The following PRKG2 variants were observed in gnomAD, a reference collection of about 807,000 sequenced individuals.
The protein encoded by PRKG2 is protein kinase cGMP-dependent 2, also known as cGMP-dependent protein kinase 2.
PRKG2 carries 33 observed loss-of-function variants against 97.2 expected under a neutral mutation model. That is an observed-to-expected ratio of 0.34 (90% CI 0.26 to 0.45). The LOEUF is 0.45. PRKG2 is among the 20% of genes least tolerant of loss of function. The pLI is 1.00. For synonymous variants in PRKG2, 330 were observed against 321.8 expected (o/e 1.03, Z -0.27); for missense variants, 638 against 900.0 (o/e 0.71, Z 3.73).
intron 17 of PRKG2, among the ~76,000 whole-genome samples, chr4:81,092,802 G>A (rs1741713840): frequency 6.6e-6 from 1 of 152,094 alleles, no homozygotes; most frequent in Non-Finnish European, 1.5e-5. Context: ...CAAAGCTCTT[G>A]TAGTTGTTCT....
In PRKG2 at chr4:81,142,889, T is replaced by G. The variant is rs778460125; in HGVS notation, c.1312A>C (p.Lys438Gln). The G allele has an allele frequency of 6.2e-7, 1 of 1,613,626 alleles. No homozygotes were observed. The highest frequency in any genetic ancestry group is 1.1e-5 in the South Asian group (1 of 90,998). ...KALSLEMIQL[K>Q]EKVARFSSSS... ...GAGGAAAATCTGGCCACCTTCTCCT[T>G]CAGCTGAATCATTTCCAGAGAGAGT... Residue 438 changes from lysine (K) to glutamine (Q), a missense_variant, in exon 11 of 19, where the codon AAG (lysine) becomes CAG (glutamine). Physicochemically the swap from Lys to Gln is moderately conservative, Grantham distance 53. Around this residue, in one of 3 missense-constraint regions of PRKG2, gnomAD observed 304 missense variants for 460.5 expected, o/e 0.66. Transcript: ENST00000264399.
intron 2 of PRKG2, among the ~76,000 whole-genome samples, chr4:81,191,557 C>T (rs1024161290): frequency 2.0e-5 from 3 of 151,782 alleles, no homozygotes; most frequent in African/African-American, 7.3e-5. Context: ...ACCTTCTGCA[C>T]GTGTATCCCA....
intron 14 of PRKG2, 23 bp downstream of exon 14, chr4:81,135,132 G>A: frequency 1.3e-6 from 2 of 1,592,738 alleles, no homozygotes; most frequent in Non-Finnish European, 1.7e-6. Flanking sequence ...ATATGAGACT[G>A]TAAGTGAGAA....
chr4:81,103,092 G>C (rs1742962842), intron 17 of PRKG2, among the ~76,000 whole-genome samples: 2 of 152,182 alleles, frequency 1.3e-5, no homozygotes, highest in Admixed American at 6.5e-5. Flanking sequence ...TCCAAGCACT[G>C]ATTTAACAAG....
chr4:81,182,534 T>A (rs1242763629), intron 2 of PRKG2, among the ~76,000 whole-genome samples: 1 of 151,482 alleles, frequency 6.6e-6, no homozygotes, highest in Non-Finnish European at 1.5e-5. Flanking sequence ...CTGAGCAAAT[T>A]TAATAAAGGG....
chr4:81,163,248 G>T (rs1173264701), intron 6 of PRKG2, among the ~76,000 whole-genome samples: 1 of 152,162 alleles, frequency 6.6e-6, no homozygotes, highest in Non-Finnish European at 1.5e-5. Flanking sequence ...ATGCTAGACT[G>T]CCCAGTGTTT....
At chr4:81,098,905 C>T (rs1578331462) in intron 17 of PRKG2, among the ~76,000 whole-genome samples, 1 of 152,000 alleles carries the variant, frequency 6.6e-6, no homozygotes, top group South Asian at 2.1e-4. Flanking sequence ...GAAAAATGGC[C>T]CTGATAGACT....
intron 6 of PRKG2, among the ~76,000 whole-genome samples, chr4:81,155,676 A>G (rs1490762326): frequency 6.6e-6 from 1 of 151,896 alleles, no homozygotes; most frequent in Admixed American, 6.6e-5. Context: ...GGGCAGCCAG[A>G]GAGAAAGGTC....
chr4:81,123,056 T>C (rs1406932366), intron 14 of PRKG2, among the ~76,000 whole-genome samples: 1 of 152,250 alleles, frequency 6.6e-6, no homozygotes, highest in Non-Finnish European at 1.5e-5. Context: ...TTGGGAACAA[T>C]ATTCTACAAG....
At position 81,101,420 on chromosome 4, in the gene PRKG2, C is replaced by T. The variant is rs376877273; in HGVS notation, c.2126+2950G>A. Among the ~76,000 whole-genome samples the T allele has an allele frequency of 2.2e-4, 33 of 152,104 alleles. 1 individual carries two copies. In the East Asian group the frequency reaches 4.8e-3, roughly 22 times the overall value. The stretch of plus-strand genomic sequence containing the variant: ...GATGAGTTCATGTCCTTTGTAGGGA[C>T]GTGGATGAAGCTGGAAACCATCATT... On this transcript the variant is annotated intron_variant, in intron 17 of 18. Transcript: ENST00000264399.
intron 1 of PRKG2, among the ~76,000 whole-genome samples, chr4:81,211,329 C>T (rs2110137444): frequency 6.6e-6 from 1 of 152,042 alleles, no homozygotes; most frequent in South Asian, 2.1e-4. Flanking sequence ...TTTCTATAAA[C>T]CTAAAATTTC....
chr4:81,180,041 G>A (rs981487551), intron 2 of PRKG2, among the ~76,000 whole-genome samples: 13 of 152,080 alleles, frequency 8.5e-5, no homozygotes, highest in Non-Finnish European at 1.5e-4. Context: ...GCTGAGGCAG[G>A]AGAATTGCTT....
chr4:81,212,465 G>C (rs551166226), intron 1 of PRKG2, among the ~76,000 whole-genome samples: 177 of 152,260 alleles, frequency 1.2e-3, no homozygotes, highest in Middle Eastern at 6.8e-3. Flanking sequence ...TTGAGTGGTG[G>C]CAAGAAGAAA....
At chr4:81,111,435 T>C (rs1423910006) in intron 14 of PRKG2, among the ~76,000 whole-genome samples, 1 of 151,960 alleles carries the variant, frequency 6.6e-6, no homozygotes, top group East Asian at 1.9e-4. Context: ...TAATATTATA[T>C]CATGTTATAC....
At position 81,126,597 on chromosome 4, in the gene PRKG2, T is replaced by C. The variant is rs1745595147; in HGVS notation, c.1776+8558A>G. Among the ~76,000 whole-genome samples, 6 of 152,366 alleles carry C rather than the reference T, an allele frequency of 3.9e-5. 1 individual carries two copies. The South Asian group carries it at 1.0e-3, about 26-fold the overall frequency. ...ACTGGCGTGAGCTGGTATCTCATTG[T>C]GGTTTTGATTTGCATTTCCCTAATG... On this transcript the variant is annotated intron_variant, in intron 14 of 18. Coordinates refer to ENST00000264399, the MANE Select transcript of PRKG2 (RefSeq NM_006259.3).
intron 14 of PRKG2, among the ~76,000 whole-genome samples, chr4:81,123,508 C>G (rs1411929952): frequency 6.6e-6 from 1 of 152,146 alleles, no homozygotes; most frequent in Non-Finnish European, 1.5e-5. Context: ...AGGTTCACGC[C>G]ATTCTCCTGC....
At chr4:81,131,748 C>A (rs898101530) in intron 14 of PRKG2, among the ~76,000 whole-genome samples, 3 of 152,016 alleles carry the variant, frequency 2.0e-5, no homozygotes, top group East Asian at 1.9e-4. Context: ...TGAAAAGATT[C>A]TTTTGCTGAC....
chr4:81,105,721 T>G, intron 16 of PRKG2, 92 bp downstream of exon 16: 1 of 1,511,226 alleles, frequency 6.6e-7, no homozygotes, highest in Non-Finnish European at 8.9e-7. Context: ...GCACAAAAAG[T>G]AAATATGCAC....
chr4:81,174,833 A>C lies in PRKG2; in HGVS notation c.588T>G (p.Ile196Met). 6.2e-7 allele frequency: 1 copy of C among 1,613,100 alleles called. No homozygotes were observed. Among genetic ancestry groups the C allele is most frequent in the Non-Finnish European group, 8.5e-7 (1 of 1,179,374 alleles). The change falls in exon 3 of 19, where the codon ATT becomes ATG. Residue 196 changes from isoleucine (I) to methionine (M), a missense_variant. Transcript: ENST00000264399. ...GRNYQQGSYI[I>M]KQGEPGNHIF... ...TATGGTTTCCTGGTTCTCCTTGCTT[A>C]ATAATGTAACTCCCTTGCTGATAGT...
Sources: allele counts gnomAD v4.1 joint callset (sites outside exome capture counted in the v4.1 genomes callset), GRCh38; gene constraint gnomAD v4.1.1; regional missense constraint gnomAD v4.1.1; transcripts MANE v1.5; gene names NCBI Gene and HGNC (gene_info 2026-07-23, HGNC 2026-07-21).